SNCAIP: variants seen among roughly 807,000 people sequenced by gnomAD.
SNCAIP encodes the protein synuclein alpha interacting protein.
SNCAIP carries 43 observed loss-of-function variants against 86.7 expected under a neutral mutation model. That is an observed-to-expected ratio of 0.50 (90% CI 0.39 to 0.64). SNCAIP has a LOEUF of 0.64. Among genes scored for constraint, SNCAIP ranks in the 30% least tolerant of loss-of-function variants. The pLI, the probability that SNCAIP is intolerant of heterozygous loss-of-function variation, is 0.00. For synonymous variants in SNCAIP, 417 were observed against 427.2 expected (o/e 0.98, Z 0.29); for missense variants, 981 against 1,103.1 (o/e 0.89, Z 1.57).
intron 1 of SNCAIP, among the ~76,000 whole-genome samples, chr5:122,339,137 C>T (rs770194780): frequency 6.6e-6 from 1 of 152,094 alleles, no homozygotes; most frequent in Non-Finnish European, 1.5e-5. Context: ...AATGCAATGC[C>T]AGTTTCTCCA....
At chr5:122,435,456 G>T (rs575379733) in intron 6 of SNCAIP, among the ~76,000 whole-genome samples, 5 of 152,214 alleles carry the variant, frequency 3.3e-5, no homozygotes, top group African/African-American at 9.6e-5. Context: ...CCTGCTCTGC[G>T]CTGGTTATTA....
At chr5:122,449,421 T>C (rs1290676358) in intron 8 of SNCAIP, among the ~76,000 whole-genome samples, 3 of 152,188 alleles carry the variant, frequency 2.0e-5, no homozygotes, top group Non-Finnish European at 4.4e-5. Context: ...AGTTTCCTTT[T>C]TTATTTAATG....
rs1481167221 is a variant in SNCAIP at position 122,432,026 on chromosome 5, C to T, written c.1240C>T (p.Leu414=). The T allele has an allele frequency of 1.2e-6, 2 of 1,608,256 alleles. No homozygotes were observed. ...GAGCGAAACAGAAGCCATTGCAGAA[C>T]TGAGTTGTTCTAAGGATTTTCCAAG... ...MVSETEAIAE[L]SCSKDFPSLI... Residue 414 remains leucine (L), a synonymous_variant, in exon 6 of 11, where the codon CTG becomes TTG. Coordinates refer to ENST00000261368, the MANE Select transcript of SNCAIP (RefSeq NM_005460.4).
intron 2 of SNCAIP, among the ~76,000 whole-genome samples, chr5:122,391,804 C>T (rs185885366): frequency 5.9e-5 from 9 of 152,166 alleles, no homozygotes; most frequent in Non-Finnish European, 1.3e-4. Context: ...CTGCTTAAAT[C>T]AGGACTGCTT....
intron 1 of SNCAIP, among the ~76,000 whole-genome samples, chr5:122,356,931 G>A (rs2036957482): frequency 6.6e-6 from 1 of 152,134 alleles, no homozygotes; most frequent in South Asian, 2.1e-4. Flanking sequence ...TTAAATCGAA[G>A]TTAGCTCAAT....
intron 1 of SNCAIP, among the ~76,000 whole-genome samples, chr5:122,319,600 C>T (rs1752527566): frequency 6.6e-6 from 1 of 152,182 alleles, no homozygotes; most frequent in Non-Finnish European, 1.5e-5. Flanking sequence ...GATGTCCACA[C>T]ATACCCCGCT....
chr5:122,345,683 C>T (rs528423930), intron 1 of SNCAIP, among the ~76,000 whole-genome samples: 1 of 141,696 alleles, frequency 7.1e-6, no homozygotes, highest in East Asian at 2.0e-4. Flanking sequence ...CACCCGGAGT[C>T]AGGGGATTTG....
chr5:122,312,189 T>C (rs1750700832), upstream of SNCAIP: 1 of 151,368 alleles, frequency 6.6e-6, no homozygotes, highest in African/African-American at 2.4e-5. Flanking sequence ...GCCCGCCTAC[T>C]TCGGCTGAGG....
intron 8 of SNCAIP, among the ~76,000 whole-genome samples, chr5:122,445,625 A>C (rs1315289723): frequency 6.7e-6 from 1 of 148,640 alleles, no homozygotes; most frequent in East Asian, 2.0e-4. Context: ...TAGAGGGAAA[A>C]TACTCTTACC....
At chr5:122,348,717 T>A (rs1028360239) in intron 1 of SNCAIP, among the ~76,000 whole-genome samples, 1 of 152,164 alleles carries the variant, frequency 6.6e-6, no homozygotes, top group Non-Finnish European at 1.5e-5. Context: ...CAATGAACAA[T>A]TGAAAATTAG....
chr5:122,445,495 A>C (rs1041409453), intron 8 of SNCAIP, among the ~76,000 whole-genome samples: 1 of 152,168 alleles, frequency 6.6e-6, no homozygotes, highest in African/African-American at 2.4e-5. Flanking sequence ...AACCAAGGTC[A>C]GCCCTTGAAA....
chr5:122,380,257 G>A (rs897167154), intron 1 of SNCAIP, among the ~76,000 whole-genome samples: 2 of 152,080 alleles, frequency 1.3e-5, no homozygotes, highest in Non-Finnish European at 2.9e-5. Flanking sequence ...CTTCTTCCTG[G>A]TTTATTCTTG....
At chr5:122,374,113 G>A (rs1764804839) in intron 1 of SNCAIP, among the ~76,000 whole-genome samples, 1 of 152,060 alleles carries the variant, frequency 6.6e-6, no homozygotes, top group East Asian at 1.9e-4. Context: ...AGCTATTTTA[G>A]TCTTTGTCTG....
At chr5:122,377,518 G>GAGAA (rs932104840) in intron 1 of SNCAIP, among the ~76,000 whole-genome samples, 11 of 129,134 alleles carry the variant, frequency 8.5e-5, no homozygotes, top group South Asian at 2.5e-4. Flanking sequence ...GAGAGAGAGA[G>GAGAA]AGAAAGAAAG....
chr5:122,415,743 T>G (rs867285729), intron 3 of SNCAIP, among the ~76,000 whole-genome samples: 1 of 152,230 alleles, frequency 6.6e-6, no homozygotes, highest in African/African-American at 2.4e-5. Flanking sequence ...GAAGCCATAC[T>G]GAGCCTGCTC....
At chr5:122,331,599 C>T (rs1368242384) in intron 1 of SNCAIP, among the ~76,000 whole-genome samples, 1 of 152,152 alleles carries the variant, frequency 6.6e-6, no homozygotes, top group Admixed American at 6.5e-5. Flanking sequence ...TTGTTAGAGG[C>T]TGGGAAGTCC....
rs540294812 is a variant in SNCAIP, at chr5:122,450,536, A to C, written c.1689A>C (p.Ser563=). Residue 563 remains serine (S), a synonymous_variant, in exon 10 of 11, where the codon TCA becomes TCC. Transcript: ENST00000261368. ...ATGTCCTTCATCTTCTTTTTAGTTC[A>C]CCATCCTCACCTGCCTCCAGAAAGT... The part of the protein sequence containing the change: ...EGKSLPSSPS[S]PSSPASRKSQ... 6.2e-7 allele frequency: 1 copy of C among 1,611,854 alleles called. No homozygotes were observed. Among genetic ancestry groups the C allele is most frequent in the East Asian group, 2.2e-5 (1 of 44,872 alleles).
chr5:122,383,026 T>C (rs375845700), intron 1 of SNCAIP, among the ~76,000 whole-genome samples: 36 of 151,908 alleles, frequency 2.4e-4, no homozygotes, highest in African/African-American at 7.2e-4. Context: ...AGAGGTGGAG[T>C]CTACAGAGGC....
At chr5:122,382,662 A>G (rs1327844187) in intron 1 of SNCAIP, among the ~76,000 whole-genome samples, 2 of 151,690 alleles carry the variant, frequency 1.3e-5, no homozygotes, top group Non-Finnish European at 2.9e-5. Context: ...TTTTTTCCCC[A>G]TCTTTGTGGT....
Sources: gnomAD v4.1 joint callset for allele counts (sites outside exome capture counted in the v4.1 genomes callset) on GRCh38, gnomAD v4.1.1 for gene constraint, MANE v1.5 for transcripts, NCBI Gene and HGNC (gene_info 2026-07-23, HGNC 2026-07-21) for gene names.